ARL8A: variants seen among roughly 807,000 people sequenced by gnomAD.
The protein encoded by ARL8A is ADP-ribosylation factor-like protein 8A.
A neutral mutation model predicts 31.2 loss-of-function variants in ARL8A; 10 were observed. That is an observed-to-expected ratio of 0.32 (90% CI 0.20 to 0.54). The LOEUF (loss-of-function observed/expected upper bound fraction) is 0.54. ARL8A is among the 20% of genes least tolerant of loss of function. ARL8A has a pLI of 0.93. For synonymous variants in ARL8A, 70 were observed against 86.9 expected (o/e 0.81, Z 1.08); for missense variants, 129 against 242.8 (o/e 0.53, Z 3.12).
chr1:202,144,360 GC>G lies in ARL8A; in HGVS notation c.123+89del. The G allele has an allele frequency of 1.1e-6, 1 of 915,374 alleles. No individual in the cohort carries two copies. Among genetic ancestry groups the G allele is most frequent in the Non-Finnish European group, 1.3e-6 (1 of 762,002 alleles). 56.7% of individuals were successfully genotyped at this position (915,374 alleles called of 1,614,324 possible). A position where few individuals can be genotyped will look rare whatever the true frequency, so the allele number is the denominator to read the frequency against. ...CGGCCGTGCCCGGCTATGCCAGGCG[GC>G]GACCCCGGCTCAGCAGGGCGCGGCG... is the stretch of plus-strand genomic sequence containing the variant. On this transcript the variant is annotated intron_variant, in intron 1 of 6. Transcript: ENST00000272217. The surrounding 1 kb of genome is among the most constrained non-coding windows in gnomAD (Gnocchi z 5.2).
chr1:202,144,530 G>A lies in ARL8A; in HGVS notation c.43C>T (p.Leu15=), dbSNP rs1182742290. The change falls in exon 1 of 7, where the codon CTA becomes TTA. Residue 15 remains leucine (L), a synonymous_variant. Coordinates refer to ENST00000272217, the MANE Select transcript of ARL8A (RefSeq NM_138795.4). The surrounding 1 kb of genome is among the most constrained non-coding windows in gnomAD (Gnocchi z 5.2). The part of the protein sequence containing the change: ...FNKLLDWFKA[L]FWKEEMELTL... The stretch of plus-strand genomic sequence containing the variant: ...AGCTCCATCTCCTCCTTCCAGAATA[G>A]GGCCTTGAACCAGTCCAGCAGCTTG... 1.3e-6 allele frequency: 2 copies of A among 1,484,424 alleles called. No homozygotes were observed. Among genetic ancestry groups the A allele is most frequent in the Middle Eastern group, 1.9e-4 (1 of 5,372 alleles). 92.0% of individuals were successfully genotyped at this position (1,484,424 alleles called of 1,614,324 possible). A position where few individuals can be genotyped will look rare whatever the true frequency, so the allele number is the denominator to read the frequency against.
In ARL8A at chr1:202,134,143, A is replaced by T. The variant is rs1268257583; in HGVS notation, c.*324T>A. ...CACAGGACAATAACAGAGAGTGTTG[A>T]AAAGGGAGGTACAAGAGCGGGCCGG... On this transcript the variant is annotated 3_prime_UTR_variant, in exon 7 of 7. Coordinates refer to ENST00000272217, the MANE Select transcript of ARL8A (RefSeq NM_138795.4). This position sits in a 1 kb window ranked among gnomAD's most constrained non-coding sequence, Gnocchi z 4.2. 2.6e-6 allele frequency: 1 copy of T among 383,524 alleles called. No homozygotes were observed. Among genetic ancestry groups the T allele is most frequent in the Admixed American group, 3.9e-5 (1 of 25,422 alleles). 23.8% of individuals were successfully genotyped at this position (383,524 alleles called of 1,614,324 possible).
chr1:202,133,896 CG>C lies in ARL8A; in HGVS notation c.*570del, dbSNP rs1412445432. On this transcript the variant is annotated 3_prime_UTR_variant, in exon 7 of 7. Transcript: ENST00000272217. ...AGCCAGATTGGGCGGTGGAAACACA[CG>C]GGACAGGGAGGCGGCCACCAGTGCC... is the stretch of plus-strand genomic sequence containing the variant. 6.6e-6 allele frequency: 1 copy of C among 152,062 alleles called. No homozygotes were observed. The highest frequency in any genetic ancestry group is 1.5e-5 in the Non-Finnish European group (1 of 68,048). The allele number at this position is 152,062 out of a possible 1,614,324, so 9.4% of individuals were successfully genotyped here.
rs1654976791 is a variant in ARL8A at position 202,135,350 on chromosome 1, T to TCTG, written c.440+106_440+108dup. 4 of 1,492,228 alleles carry TCTG rather than the reference T, an allele frequency of 2.7e-6. No homozygotes were observed. 92.4% of individuals were successfully genotyped at this position (1,492,228 alleles called of 1,614,324 possible). On this transcript the variant is annotated intron_variant, in intron 5 of 6. Transcript: ENST00000272217. This position sits in a 1 kb window ranked among gnomAD's most constrained non-coding sequence, Gnocchi z 5.3. ...GGGTGAGGTGCCTGAAAAGGTCGGC[T>TCTG]CTGCTGCCACCGTGTGGCTAATACT...
At position 202,138,593 on chromosome 1, in the gene ARL8A, C is replaced by A; in HGVS notation, c.124-145G>T. The A allele has an allele frequency of 1.3e-6, 1 of 741,118 alleles. No individual in the cohort carries two copies. The highest frequency in any genetic ancestry group is 2.2e-6 in the Non-Finnish European group (1 of 446,090). The allele number at this position is 741,118 out of a possible 1,614,324, so 45.9% of individuals were successfully genotyped here. A position where few individuals can be genotyped will look rare whatever the true frequency, so the allele number is the denominator to read the frequency against. ...GGTACTCTTGCACATCCTGTGCTTT[C>A]AGGCAGGATGGGCTATCACCAACCT... On this transcript the variant is annotated intron_variant, in intron 1 of 6. Transcript: ENST00000272217. The surrounding 1 kb of genome is among the most constrained non-coding windows in gnomAD (Gnocchi z 4.4).
chr1:202,144,726 CG>C lies in ARL8A; in HGVS notation c.-155del. ...CGCGGCTGCCGACGACTCGCTGCCC[CG>C]GAATCGGCTCGCCGATGGGTGTGGC... On this transcript the variant is annotated 5_prime_UTR_variant, in exon 1 of 7. Transcript: ENST00000272217. The surrounding 1 kb of genome is among the most constrained non-coding windows in gnomAD (Gnocchi z 5.2). 4.9e-6 allele frequency: 4 copies of C among 819,544 alleles called. No homozygotes were observed. Among genetic ancestry groups the C allele is most frequent in the Non-Finnish European group, 6.0e-6 (4 of 668,364 alleles). The allele number at this position is 819,544 out of a possible 1,614,324, so 50.8% of individuals were successfully genotyped here.
intron 1 of ARL8A, among the ~76,000 whole-genome samples, chr1:202,141,256 T>A (rs1655158027): frequency 6.6e-6 from 1 of 152,176 alleles, no homozygotes; most frequent in African/African-American, 2.4e-5. Flanking sequence ...TAACCTGAAG[T>A]CATGCAGCCC....
intron 1 of ARL8A, among the ~76,000 whole-genome samples, chr1:202,140,870 T>G (rs186711468): frequency 2.6e-5 from 4 of 151,938 alleles, no homozygotes; most frequent in Non-Finnish European, 5.9e-5. Flanking sequence ...TCCCAGGGGG[T>G]GCTTGGATAA....
chr1:202,135,930 T>C lies in ARL8A; in HGVS notation c.279-130A>G. ...CTTGGTCACCTCGGGATCCATGGGC[T>C]ACCTGGCCTGGCTCAAGGCAGGTGC... On this transcript the variant is annotated intron_variant, in intron 3 of 6. Transcript: ENST00000272217. This position sits in a 1 kb window ranked among gnomAD's most constrained non-coding sequence, Gnocchi z 5.3. 1.2e-6 allele frequency: 1 copy of C among 808,866 alleles called. No individual in the cohort carries two copies. The allele number at this position is 808,866 out of a possible 1,614,324, so 50.1% of individuals were successfully genotyped here.
At position 202,138,232 on chromosome 1, in the gene ARL8A, G is replaced by T; in HGVS notation, c.204+136C>A. 8.4e-7 allele frequency: 1 copy of T among 1,185,912 alleles called. No individual in the cohort carries two copies. The highest frequency in any genetic ancestry group is 2.5e-5 in the East Asian group (1 of 40,770). The allele number at this position is 1,185,912 out of a possible 1,614,324, so 73.5% of individuals were successfully genotyped here. On this transcript the variant is annotated intron_variant, in intron 2 of 6. Transcript: ENST00000272217. This position sits in a 1 kb window ranked among gnomAD's most constrained non-coding sequence, Gnocchi z 4.4. ...CTGTCTTTTCCCAGCTCCTCAGCAG[G>T]GGGACCCTGGCCTCTGCCCCACTTC...
chr1:202,135,605 TC>T lies in ARL8A; in HGVS notation c.373-80del. 1.9e-6 allele frequency: 3 copies of T among 1,579,324 alleles called. No individual in the cohort carries two copies. The highest frequency in any genetic ancestry group is 2.6e-6 in the Non-Finnish European group (3 of 1,149,174). On this transcript the variant is annotated intron_variant, in intron 4 of 6. Coordinates refer to ENST00000272217, the MANE Select transcript of ARL8A (RefSeq NM_138795.4). This position sits in a 1 kb window ranked among gnomAD's most constrained non-coding sequence, Gnocchi z 5.3. Reference sequence around the variant, plus strand: ...CTGGGTGGTGAGCTGGCCTCCTGGGTCCCGTTTCCTCTCTGCGCCCCTACCA... The same window carrying T: ...CTGGGTGGTGAGCTGGCCTCCTGGGTCCGTTTCCTCTCTGCGCCCCTACCA...
At chr1:202,143,077 A>T (rs1044158164) in intron 1 of ARL8A, among the ~76,000 whole-genome samples, 1 of 152,186 alleles carries the variant, frequency 6.6e-6, no homozygotes, top group Non-Finnish European at 1.5e-5. Flanking sequence ...GTTAGCTCCG[A>T]AAATTACTGT....
chr1:202,135,935 G>A lies in ARL8A; in HGVS notation c.279-135C>T. ...TCACCTCGGGATCCATGGGCTACCT[G>A]GCCTGGCTCAAGGCAGGTGCTCCGC... On this transcript the variant is annotated intron_variant, in intron 3 of 6. Coordinates refer to ENST00000272217, the MANE Select transcript of ARL8A (RefSeq NM_138795.4). The surrounding 1 kb of genome is among the most constrained non-coding windows in gnomAD (Gnocchi z 5.3). 1 of 776,834 alleles carries A rather than the reference G, an allele frequency of 1.3e-6. No individual in the cohort carries two copies. Among genetic ancestry groups the A allele is most frequent in the Non-Finnish European group, 2.2e-6 (1 of 457,664 alleles). 48.1% of individuals were successfully genotyped at this position (776,834 alleles called of 1,614,324 possible). A position where few individuals can be genotyped will look rare whatever the true frequency, so the allele number is the denominator to read the frequency against.
intron 3 of ARL8A, 120 bp downstream of exon 3, chr1:202,137,834 CCTGGACCGACA>C: frequency 1.0e-6 from 1 of 984,754 alleles, no homozygotes; most frequent in Non-Finnish European, 1.5e-6. Context: ...AAACGCAGGC[CCTGGACCGACA>C]CTGTGTCATG....
Position 202,135,222 on chromosome 1 carries a change from T to TG in ARL8A, c.441-3dup. The TG allele has an allele frequency of 6.2e-7, 1 of 1,613,860 alleles. No individual in the cohort carries two copies. Among genetic ancestry groups the TG allele is most frequent in the Non-Finnish European group, 8.5e-7 (1 of 1,179,784 alleles). ...CGGTCCTGGATGGCAGACAGATTCCTGGGGGAAACCAGAGTAGAGTCCGCT... is the reference window on the plus strand; with the variant it reads ...CGGTCCTGGATGGCAGACAGATTCCTGGGGGGAAACCAGAGTAGAGTCCGCT... On this transcript the variant is annotated splice_polypyrimidine_tract_variant and splice_region_variant and intron_variant, in intron 5 of 6. Coordinates refer to ENST00000272217, the MANE Select transcript of ARL8A (RefSeq NM_138795.4). This position sits in a 1 kb window ranked among gnomAD's most constrained non-coding sequence, Gnocchi z 5.3.
At chr1:202,141,621 T>A (rs1038739721) in intron 1 of ARL8A, among the ~76,000 whole-genome samples, 5 of 144,994 alleles carry the variant, frequency 3.4e-5, no homozygotes, top group Non-Finnish European at 7.5e-5. Context: ...CCAGCCTGGG[T>A]GATAGAGCAA....
At position 202,144,465 on chromosome 1, in the gene ARL8A, G is replaced by T. The variant is rs1308109327; in HGVS notation, c.108C>A (p.Phe36Leu). The T allele has an allele frequency of 1.4e-6, 2 of 1,454,552 alleles. No individual in the cohort carries two copies. The highest frequency in any genetic ancestry group is 1.8e-6 in the Non-Finnish European group (2 of 1,082,076). 90.1% of individuals were successfully genotyped at this position (1,454,552 alleles called of 1,614,324 possible). A position where few individuals can be genotyped will look rare whatever the true frequency, so the allele number is the denominator to read the frequency against. ...VGLQYSGKTTFVNVIASGQFN... is the reference protein window; with the variant it reads ...VGLQYSGKTTLVNVIASGQFN... ...GCCCTCGTACCGCGATCACGTTGAC[G>T]AAGGTGGTCTTGCCCGAGTACTGAA... is the stretch of plus-strand genomic sequence containing the variant. The change falls in exon 1 of 7, where the codon TTC becomes TTA. Residue 36 changes from phenylalanine (F) to leucine (L), a missense_variant. Coordinates refer to ENST00000272217, the MANE Select transcript of ARL8A (RefSeq NM_138795.4). This position sits in a 1 kb window ranked among gnomAD's most constrained non-coding sequence, Gnocchi z 5.2.
At chr1:202,141,051 G>T (rs1655154539) in intron 1 of ARL8A, among the ~76,000 whole-genome samples, 1 of 152,222 alleles carries the variant, frequency 6.6e-6, no homozygotes, top group Admixed American at 6.5e-5. Flanking sequence ...AGGCTACCAA[G>T]TAAATGAGAA....
chr1:202,141,722 C>T (rs1415790747), intron 1 of ARL8A, among the ~76,000 whole-genome samples: 1 of 152,080 alleles, frequency 6.6e-6, no homozygotes, highest in Non-Finnish European at 1.5e-5. Flanking sequence ...CCTAAGTCCC[C>T]TTGGGCACTC....
Sources: gnomAD v4.1 joint callset for allele counts (sites outside exome capture counted in the v4.1 genomes callset) on GRCh38, gnomAD v4.1.1 for gene constraint, Gnocchi (gnomAD v3.1) non-coding constraint, MANE v1.5 for transcripts, NCBI Gene and HGNC (gene_info 2026-07-23, HGNC 2026-07-21) for gene names.